CHD2: variants seen among roughly 807,000 people sequenced by gnomAD.
The protein encoded by CHD2 is ATP-dependent chromatin remodeler CHD2.
A neutral mutation model predicts 243.9 loss-of-function variants in CHD2; 28 were observed. The observed-to-expected ratio is 0.11, with a 90% confidence interval of 0.09 to 0.16. CHD2 has a LOEUF of 0.16. CHD2 is among the 10% of genes least tolerant of loss of function. The pLI is 1.00. For synonymous variants in CHD2, 775 were observed against 779.0 expected (o/e 0.99, Z 0.09); for missense variants, 1,386 against 2,209.8 (o/e 0.63, Z 7.47).
At chr15:92,945,201 A>G (rs961698620) in intron 10 of CHD2, 4 of 152,288 alleles carry the variant, frequency 2.6e-5, no homozygotes, top group Non-Finnish European at 5.9e-5. Flanking sequence ...TGATCTGTGA[A>G]TTTGGCACTG....
At chr15:92,963,369 G>A (rs981138572) in intron 16 of CHD2, among the ~76,000 whole-genome samples, 1 of 152,108 alleles carries the variant, frequency 6.6e-6, no homozygotes, top group Admixed American at 6.5e-5. Context: ...GGGATTGTAT[G>A]CATCAGTCTT....
chr15:93,004,762 A>T lies in CHD2; in HGVS notation c.4413+11A>T, dbSNP rs757863074. 1 of 1,609,260 alleles carries T rather than the reference A, an allele frequency of 6.2e-7. No homozygotes were observed. The highest frequency in any genetic ancestry group is 1.3e-5 in the African/African-American group (1 of 74,814). On this transcript the variant is annotated intron_variant, in intron 34 of 38. Transcript: ENST00000394196. The stretch of plus-strand genomic sequence containing the variant: ...GAGACATTCAGCATAGTAAGTCTTG[A>T]AATCGGGGGGTGCCAGTGTCTGCAG...
At chr15:92,974,389 C>G (rs2053880847) in intron 19 of CHD2, among the ~76,000 whole-genome samples, 1 of 152,126 alleles carries the variant, frequency 6.6e-6, no homozygotes. Flanking sequence ...TTCAATGATT[C>G]AGCAAAATGT....
chr15:92,966,417 C>T (rs914786746), intron 16 of CHD2, among the ~76,000 whole-genome samples: 1 of 152,024 alleles, frequency 6.6e-6, no homozygotes, highest in African/African-American at 2.4e-5. Flanking sequence ...AATTCCTCAC[C>T]TATTTTATGT....
chr15:92,981,222 A>G (rs1250008287), intron 23 of CHD2, 143 bp from the exon 24 acceptor site: 3 of 616,952 alleles, frequency 4.9e-6, no homozygotes, highest in Non-Finnish European at 5.7e-6. Flanking sequence ...TGTAGAGTTG[A>G]AACTGAAAGT....
chr15:92,949,214 A>G (rs1001477892), intron 13 of CHD2, 138 bp downstream of exon 13: 3 of 1,480,152 alleles, frequency 2.0e-6, no homozygotes, highest in Non-Finnish European at 2.7e-6. Context: ...TATTACAGAA[A>G]TAAAAGATGA....
In CHD2 at chr15:93,020,097, G is replaced by C; in HGVS notation, c.4992G>C (p.Gln1664His). 1.2e-6 allele frequency: 2 copies of C among 1,614,216 alleles called. No homozygotes were observed. The highest frequency in any genetic ancestry group is 8.5e-7 in the Non-Finnish European group (1 of 1,180,048). ...CATGGGGAAGCGACAGGCACCATCAGTATGAGCAGCACTGGTACAAGGACC... is the reference window on the plus strand; with the variant it reads ...CATGGGGAAGCGACAGGCACCATCACTATGAGCAGCACTGGTACAAGGACC... ...NPPWGSDRHH[Q>H]YEQHWYKDHH... Residue 1664 changes from glutamine to histidine, a missense_variant, in exon 38 of 39, where the codon CAG becomes CAC. Transcript: ENST00000394196.
intron 5 of CHD2, among the ~76,000 whole-genome samples, chr15:92,933,039 GC>G (rs36126362): frequency 0.96 from 136,334 of 142,012 alleles, 65,602 homozygotes; most frequent in Non-Finnish European, 0.99. Flanking sequence ...ACCGCGCCCG[GC>G]CCCTTTTTTT....
intron 34 of CHD2, among the ~76,000 whole-genome samples, chr15:93,005,201 A>G (rs766759061): frequency 3.0e-4 from 46 of 152,284 alleles, no homozygotes; most frequent in Non-Finnish European, 3.2e-4. Context: ...TGGAGGAGAG[A>G]GAGTGCATAC....
At chr15:92,936,147 A>G (rs79172345) in intron 5 of CHD2, among the ~76,000 whole-genome samples, 2,263 of 152,172 alleles carry the variant, frequency 0.015, 52 homozygotes, top group African/African-American at 0.052. Flanking sequence ...TTTTCCCCCT[A>G]AGGTCTCCAC....
At chr15:92,917,591 G>C (rs1223609320) in intron 2 of CHD2, among the ~76,000 whole-genome samples, 2 of 152,192 alleles carry the variant, frequency 1.3e-5, no homozygotes, top group South Asian at 4.1e-4. Context: ...GAAAAAAAAG[G>C]TGTGACCAGT....
chr15:92,936,141 C>T (rs942698369), intron 5 of CHD2, among the ~76,000 whole-genome samples: 2 of 152,038 alleles, frequency 1.3e-5, no homozygotes, highest in Non-Finnish European at 2.9e-5. Context: ...GTTGTTTTTT[C>T]CCCCTAAGGT....
At chr15:92,903,746 A>T (rs968396974) in intron 2 of CHD2, among the ~76,000 whole-genome samples, 2 of 152,220 alleles carry the variant, frequency 1.3e-5, no homozygotes, top group Non-Finnish European at 2.9e-5. Flanking sequence ...GTGTGCACAC[A>T]AAGAGTTCAG....
intron 2 of CHD2, chr15:92,904,890 T>C: frequency 6.5e-7 from 1 of 1,534,786 alleles, no homozygotes. Flanking sequence ...TTGACGGGTG[T>C]TAACAGCTGT....
intron 16 of CHD2, among the ~76,000 whole-genome samples, chr15:92,959,396 T>C (rs1348860909): frequency 6.6e-6 from 1 of 152,266 alleles, no homozygotes; most frequent in East Asian, 1.9e-4. Flanking sequence ...TGTCATGCTT[T>C]GTTTCTGGAC....
intron 5 of CHD2, among the ~76,000 whole-genome samples, chr15:92,932,620 T>G (rs1350530913): frequency 6.6e-6 from 1 of 152,106 alleles, no homozygotes; most frequent in Non-Finnish European, 1.5e-5. Flanking sequence ...AAAGGACATG[T>G]CTGATTTCTT....
intron 24 of CHD2, 46 bp downstream of exon 24, chr15:92,981,503 A>G (rs764805378): frequency 4.9e-6 from 7 of 1,426,828 alleles, no homozygotes; most frequent in Middle Eastern, 1.8e-4. Flanking sequence ...TGATTCATTA[A>G]TGATGACTAA....
chr15:93,013,611 G>A (rs1231931617), intron 36 of CHD2, among the ~76,000 whole-genome samples: 1 of 152,152 alleles, frequency 6.6e-6, no homozygotes, highest in South Asian at 2.1e-4. Flanking sequence ...GTTTATAATG[G>A]AAATGGCTTG....
chr15:92,906,830 CTT>C (rs1049362525), intron 2 of CHD2, among the ~76,000 whole-genome samples: 4 of 152,108 alleles, frequency 2.6e-5, no homozygotes, highest in East Asian at 3.8e-4. Context: ...GTGAAAGTAA[CTT>C]TGTGGCTTGG....
Sources: allele counts gnomAD v4.1 joint callset (sites outside exome capture counted in the v4.1 genomes callset), GRCh38; gene constraint gnomAD v4.1.1; transcripts MANE v1.5; gene names NCBI Gene and HGNC (gene_info 2026-07-23, HGNC 2026-07-21).